NTN4: variants seen among roughly 807,000 people sequenced by gnomAD.
NTN4 encodes the protein netrin-4.
NTN4 carries 32 observed loss-of-function variants against 73.6 expected under a neutral mutation model. The ratio of observed to expected loss-of-function variants is 0.44; its 90% CI spans 0.33 to 0.58. The LOEUF is 0.58. NTN4 is among the 20% of genes least tolerant of loss of function. The pLI is 0.04. For missense variants in NTN4, 654 were observed against 798.3 expected (o/e 0.82, Z 2.18); for synonymous variants, 258 against 287.5 (o/e 0.90, Z 1.04).
intron 2 of NTN4, among the ~76,000 whole-genome samples, chr12:95,742,548 G>A (rs1006718705): frequency 6.6e-6 from 1 of 152,136 alleles, no homozygotes; most frequent in African/African-American, 2.4e-5. Context: ...TATTGCCTAT[G>A]TTGAATTATA....
intron 2 of NTN4, among the ~76,000 whole-genome samples, chr12:95,749,883 AC>A: frequency 6.7e-6 from 1 of 148,568 alleles, no homozygotes; most frequent in Middle Eastern, 3.5e-3. Flanking sequence ...AGGGGCAAGT[AC>A]CCCTCAACCC....
intron 2 of NTN4, among the ~76,000 whole-genome samples, chr12:95,775,115 CA>C (rs1489398593): frequency 6.6e-6 from 1 of 152,200 alleles, no homozygotes; most frequent in Non-Finnish European, 1.5e-5. Flanking sequence ...GGAACACTAG[CA>C]AAAGGGGTTT....
intron 7 of NTN4, chr12:95,673,610 G>A (rs2078250884): frequency 7.8e-6 from 1 of 127,896 alleles, no homozygotes; most frequent in Admixed American, 8.9e-5. Flanking sequence ...TTTAGCTTAG[G>A]TGTTACATTT....
rs969464107 is a variant in NTN4 at position 95,658,042 on chromosome 12, C to T, written c.*1044G>A. On this transcript the variant is annotated 3_prime_UTR_variant, in exon 10 of 10. Transcript: ENST00000343702. ...TGAAAAACTGTGATTTTTTGACTAT[C>T]ACATACATTGTGTTAAAAAACAGGT... The T allele has an allele frequency of 1.3e-5, 2 of 152,444 alleles. No homozygotes were observed. The highest frequency in any genetic ancestry group is 2.9e-5 in the Non-Finnish European group (2 of 68,022). The allele number at this position is 152,444 out of a possible 1,614,324, so 9.4% of individuals were successfully genotyped here.
intron 7 of NTN4, among the ~76,000 whole-genome samples, chr12:95,678,349 T>TAAAAAAAAAAAAAAAAAAAAAAAA (rs59083360): frequency 9.0e-6 from 1 of 110,960 alleles, no homozygotes; most frequent in African/African-American, 3.5e-5. Flanking sequence ...GAACTTAAAG[T>TAAAAAAAAAAAAAAAAAAAAAAAA]AAAAAAAAAA....
chr12:95,743,738 T>C lies in NTN4; in HGVS notation c.586-5594A>G, dbSNP rs550855099. 1.4e-4 allele frequency among the ~76,000 whole-genome samples: 22 copies of C among 152,350 alleles called. No individual in the cohort carries two copies. The East Asian group carries it at 4.2e-3, about 29-fold the overall frequency. Reference sequence around the variant, plus strand: ...TGAATCCTTTTACATTTATCAATACTTGTTTTATGACTCAGTATATGTTCT... The same window carrying C: ...TGAATCCTTTTACATTTATCAATACCTGTTTTATGACTCAGTATATGTTCT... On this transcript the variant is annotated intron_variant, in intron 2 of 9. Coordinates refer to ENST00000343702, the MANE Select transcript of NTN4 (RefSeq NM_021229.4).
At position 95,697,975 on chromosome 12, in the gene NTN4, C is replaced by T. The variant is rs865954568; in HGVS notation, c.1180+12466G>A. On this transcript the variant is annotated intron_variant, in intron 5 of 9. Transcript: ENST00000343702. ...ATAGCAATACAACAATACAACTAAA[C>T]ACTACAGTATAACAACTATTTACAC... is the stretch of plus-strand genomic sequence containing the variant. 3.3e-4 allele frequency among the ~76,000 whole-genome samples: 51 copies of T among 152,320 alleles called. No homozygotes were observed. In the Middle Eastern group the frequency reaches 0.02, roughly 61 times the overall value.
chr12:95,730,333 T>C (rs191997453), intron 3 of NTN4, among the ~76,000 whole-genome samples: 1 of 152,322 alleles, frequency 6.6e-6, no homozygotes, highest in Non-Finnish European at 1.5e-5. Context: ...AGATGTCAGC[T>C]CTGATACCAA....
At chr12:95,680,975 G>A (rs1444323493) in intron 7 of NTN4, among the ~76,000 whole-genome samples, 3 of 152,102 alleles carry the variant, frequency 2.0e-5, no homozygotes, top group Non-Finnish European at 4.4e-5. Flanking sequence ...GGATCATGAG[G>A]TCAGGCATTC....
intron 2 of NTN4, among the ~76,000 whole-genome samples, chr12:95,785,905 T>C (rs541331057): frequency 1.2e-3 from 186 of 152,296 alleles, no homozygotes; most frequent in Non-Finnish European, 2.2e-3. Context: ...TAATTTTTGG[T>C]TGGGGATGGG....
intron 2 of NTN4, among the ~76,000 whole-genome samples, chr12:95,786,367 T>C (rs9919756): frequency 6.6e-6 from 1 of 151,920 alleles, no homozygotes; most frequent in African/African-American, 2.4e-5. Flanking sequence ...CAGTAGCTAA[T>C]GAGGCTGTTT....
intron 5 of NTN4, among the ~76,000 whole-genome samples, chr12:95,685,629 C>T (rs1326742679): frequency 1.3e-5 from 2 of 152,200 alleles, no homozygotes; most frequent in Admixed American, 1.3e-4. Context: ...GCTTTTTCCC[C>T]TTGGAAACTT....
chr12:95,787,347 T>G lies in NTN4; in HGVS notation c.177A>C (p.Glu59Asp). 6.2e-7 allele frequency: 1 copy of G among 1,614,192 alleles called. No homozygotes were observed. Among genetic ancestry groups the G allele is most frequent in the African/African-American group, 1.3e-5 (1 of 75,042 alleles). ...TGTTCTCACTGTAGAAGCAGTACAG[T>G]TCGGTAGCATTCTGACCGCAGGTGG... Reference protein sequence around the residue: ...ADTTCGQNATELYCFYSENTD... With the variant: ...ADTTCGQNATDLYCFYSENTD... The change falls in exon 2 of 10, where the codon GAA becomes GAC. Residue 59 changes from glutamate (E) to aspartate (D), a missense_variant. By Grantham distance (45) the Glu-to-Asp change is conservative (BLOSUM62 2). Coordinates refer to ENST00000343702, the MANE Select transcript of NTN4 (RefSeq NM_021229.4).
intron 3 of NTN4, among the ~76,000 whole-genome samples, chr12:95,716,257 G>A (rs1482379721): frequency 2.6e-5 from 4 of 152,180 alleles, no homozygotes; most frequent in African/African-American, 9.6e-5. Flanking sequence ...AATTAGTGCT[G>A]TCTGTATAAA....
chr12:95,763,088 A>T (rs2078999709), intron 2 of NTN4, among the ~76,000 whole-genome samples: 1 of 152,232 alleles, frequency 6.6e-6, no homozygotes, highest in South Asian at 2.1e-4. Context: ...CTTGTTTATT[A>T]GTTCAAACTT....
intron 2 of NTN4, among the ~76,000 whole-genome samples, chr12:95,741,558 C>T (rs1423074842): frequency 7.1e-6 from 1 of 140,868 alleles, no homozygotes; most frequent in African/African-American, 2.6e-5. Flanking sequence ...TTATCCTTGG[C>T]AATATTCTTT....
At chr12:95,683,185 G>T (rs2078332376) in intron 6 of NTN4, among the ~76,000 whole-genome samples, 1 of 152,134 alleles carries the variant, frequency 6.6e-6, no homozygotes, top group Non-Finnish European at 1.5e-5. Context: ...TCAGCCTCCT[G>T]AGTAGCCGGG....
intron 5 of NTN4, among the ~76,000 whole-genome samples, chr12:95,687,196 GA>G (rs1273020404): frequency 7.0e-6 from 1 of 143,776 alleles, no homozygotes; most frequent in Non-Finnish European, 1.5e-5. Flanking sequence ...TTTTCCATTG[GA>G]AAAGGATTTT....
At chr12:95,695,114 C>A (rs563823161) in intron 5 of NTN4, among the ~76,000 whole-genome samples, 1 of 148,102 alleles carries the variant, frequency 6.8e-6, no homozygotes, top group African/African-American at 2.5e-5. Context: ...GGCAACAGAG[C>A]GAGACTGTCT....
Sources: allele counts gnomAD v4.1 joint callset (sites outside exome capture counted in the v4.1 genomes callset), GRCh38; gene constraint gnomAD v4.1.1; transcripts MANE v1.5; gene names NCBI Gene and HGNC (gene_info 2026-07-23, HGNC 2026-07-21).